The following MYO3A variants were observed in gnomAD, a reference collection of about 807,000 sequenced individuals.
MYO3A encodes the protein myosin IIIA.
A neutral mutation model predicts 192.7 loss-of-function variants in MYO3A; 180 were observed. The observed-to-expected ratio is 0.93, with a 90% CI of 0.83 to 1.06. The LOEUF (loss-of-function observed/expected upper bound fraction) is 1.06, where lower values mean the gene tolerates loss of function less well. MYO3A is among the 50% of genes least tolerant of loss of function. MYO3A has a pLI of 0.00. For missense variants in MYO3A, 1,896 were observed against 1,905.0 expected (o/e 1.00, Z 0.09); for synonymous variants, 628 against 645.3 (o/e 0.97, Z 0.41).
intron 17 of MYO3A, among the ~76,000 whole-genome samples, chr10:26,098,052 A>G (rs1382866148): frequency 6.6e-6 from 1 of 152,054 alleles, no homozygotes; most frequent in African/African-American, 2.4e-5. Flanking sequence ...AAGTGTTCCT[A>G]TTTCTCCACA....
intron 14 of MYO3A, among the ~76,000 whole-genome samples, chr10:26,080,302 T>G (rs1051244779): frequency 6.6e-6 from 1 of 152,152 alleles, no homozygotes; most frequent in African/African-American, 2.4e-5. Flanking sequence ...TTTCTTCTAC[T>G]TGTTCAATTA....
intron 6 of MYO3A, among the ~76,000 whole-genome samples, chr10:26,004,555 GC>G (rs925397749): frequency 3.3e-5 from 5 of 151,994 alleles, no homozygotes; most frequent in Non-Finnish European, 7.4e-5. Context: ...CTAGCACCTA[GC>G]TTTTGGTTTT....
chr10:25,949,856 C>T (rs914274291), intron 2 of MYO3A, among the ~76,000 whole-genome samples: 2 of 151,956 alleles, frequency 1.3e-5, no homozygotes, highest in East Asian at 3.9e-4. Context: ...ACCGTATTTT[C>T]TAGGTACAGA....
At chr10:26,031,537 T>C (rs1004523788) in intron 10 of MYO3A, among the ~76,000 whole-genome samples, 1 of 152,254 alleles carries the variant, frequency 6.6e-6, no homozygotes, top group African/African-American at 2.4e-5. Context: ...CTCAGCTCAC[T>C]TCCAGTTTCT....
At chr10:26,111,066 C>T (rs565315955) in intron 17 of MYO3A, among the ~76,000 whole-genome samples, 2 of 152,098 alleles carry the variant, frequency 1.3e-5, no homozygotes, top group East Asian at 1.9e-4. Context: ...ATGCATCTCA[C>T]TATGTTGCCC....
At chr10:26,016,169 A>G (rs1189592943) in intron 6 of MYO3A, among the ~76,000 whole-genome samples, 2 of 152,224 alleles carry the variant, frequency 1.3e-5, no homozygotes, top group African/African-American at 2.4e-5. Context: ...GGTGCAATTA[A>G]TGGAATGACA....
chr10:26,085,588 A>G (rs1283103409), intron 14 of MYO3A, among the ~76,000 whole-genome samples: 1 of 152,174 alleles, frequency 6.6e-6, no homozygotes, highest in Non-Finnish European at 1.5e-5. Context: ...GGTGTGCCAG[A>G]GGCTTGGAGG....
intron 7 of MYO3A, among the ~76,000 whole-genome samples, chr10:26,020,907 C>T (rs116086603): frequency 0.066 from 10,049 of 152,180 alleles, 410 homozygotes; most frequent in Non-Finnish European, 0.094. Flanking sequence ...TAGGGTGGCC[C>T]CAGATAGGCT....
chr10:26,179,170 C>T lies in MYO3A; in HGVS notation c.4438+2325C>T, dbSNP rs546388794. Among the ~76,000 whole-genome samples, 4 of 134,694 alleles carry T rather than the reference C, an allele frequency of 3.0e-5. No individual in the cohort carries two copies. The South Asian group carries it at 9.5e-4, about 32-fold the overall frequency. 88.4% of individuals were successfully genotyped at this position (134,694 alleles called of 152,430 possible). A position where few individuals can be genotyped will look rare whatever the true frequency, so the allele number is the denominator to read the frequency against. ...CTGGAGTGCAATGGCGCGATCTCAG[C>T]TTGCTGGAACCTCTGCCTCCTGGGT... On this transcript the variant is annotated intron_variant, in intron 31 of 34. Coordinates refer to ENST00000642920, the MANE Select transcript of MYO3A (RefSeq NM_017433.5).
chr10:26,100,022 C>T (rs1018892368), intron 17 of MYO3A, among the ~76,000 whole-genome samples: 12 of 152,186 alleles, frequency 7.9e-5, no homozygotes, highest in Admixed American at 5.2e-4. Flanking sequence ...TAGAATTCGG[C>T]TGTGAATCCA....
chr10:26,210,139 GAAGGAAGGAAGA>G (rs1446140056), intron 34 of MYO3A, among the ~76,000 whole-genome samples: 11 of 142,262 alleles, frequency 7.7e-5, no homozygotes, highest in Non-Finnish European at 1.2e-4. Context: ...GGGAGGGAAG[GAAGGAAGGAAGA>G]AAGGAAGGAA....
intron 2 of MYO3A, among the ~76,000 whole-genome samples, chr10:25,939,384 C>A (rs1301506065): frequency 6.6e-6 from 1 of 151,600 alleles, no homozygotes; most frequent in Non-Finnish European, 1.5e-5. Context: ...TTCTCTTTTT[C>A]TACTGTCATT....
At chr10:26,075,602 T>C (rs1835484948) in intron 14 of MYO3A, among the ~76,000 whole-genome samples, 1 of 128,366 alleles carries the variant, frequency 7.8e-6, no homozygotes. Context: ...TATATATATG[T>C]CTCTCTCATA....
chr10:26,128,420 T>C lies in MYO3A; in HGVS notation c.2144T>C (p.Ile715Thr), dbSNP rs1053225944. ...SGNGDELSIG[I>T]LDIFGFENFK... ...AATGGTGATGAGCTGAGCATTGGCATTCTTGATATATTTGGCTTTGAAAAT... is the reference window on the plus strand; with the variant it reads ...AATGGTGATGAGCTGAGCATTGGCACTCTTGATATATTTGGCTTTGAAAAT... Residue 715 changes from isoleucine to threonine, a missense_variant, in exon 20 of 35, where the codon ATT becomes ACT. Physicochemically the swap from Ile to Thr is moderately conservative, Grantham distance 89. Transcript: ENST00000642920. 6.2e-7 allele frequency: 1 copy of C among 1,613,092 alleles called. No homozygotes were observed. The highest frequency in any genetic ancestry group is 1.3e-5 in the African/African-American group (1 of 74,912).
intron 10 of MYO3A, among the ~76,000 whole-genome samples, chr10:26,053,398 A>G (rs72795835): frequency 0.16 from 24,705 of 152,160 alleles, 2,297 homozygotes; most frequent in Non-Finnish European, 0.21. Flanking sequence ...CTAGGAGTAC[A>G]GGGTATGTCA....
chr10:26,101,527 G>A (rs541947141), intron 17 of MYO3A, among the ~76,000 whole-genome samples: 3 of 152,290 alleles, frequency 2.0e-5, no homozygotes, highest in Admixed American at 6.5e-5. Flanking sequence ...TTTTGCAGTG[G>A]CTGGTACCAG....
Position 26,193,330 on chromosome 10 carries a change from CT to C in MYO3A, c.4545+20del. On this transcript the variant is annotated intron_variant, in intron 32 of 34. Transcript: ENST00000642920. Reference sequence around the variant, plus strand: ...ACTTCATGTAAGTGGCTCACTCTTACTATCAGATGGGAGCCATCACATCTAC... The same window carrying C: ...ACTTCATGTAAGTGGCTCACTCTTACATCAGATGGGAGCCATCACATCTAC... 1 of 1,563,878 alleles carries C rather than the reference CT, an allele frequency of 6.4e-7. No homozygotes were observed. The highest frequency in any genetic ancestry group is 8.8e-7 in the Non-Finnish European group (1 of 1,135,352).
rs3824701 is a variant in MYO3A, at chr10:26,066,943, A to G, written c.954-32A>G. 757,221 of 1,481,964 alleles carry G rather than the reference A, an allele frequency of 0.51. 198,254 individuals are homozygous for G. The highest frequency in any genetic ancestry group is 0.56 in the Middle Eastern group (3,218 of 5,790). The allele number at this position is 1,481,964 out of a possible 1,614,324, so 91.8% of individuals were successfully genotyped here. A position where few individuals can be genotyped will look rare whatever the true frequency, so the allele number is the denominator to read the frequency against. On this transcript the variant is annotated intron_variant, in intron 10 of 34. Coordinates refer to ENST00000642920, the MANE Select transcript of MYO3A (RefSeq NM_017433.5). ...TTTTTTCCACTATGAGCAGTAATCA[A>G]TTCTTAAATCAGAAAGCGTTTTTCT...
intron 2 of MYO3A, among the ~76,000 whole-genome samples, chr10:25,940,790 C>G (rs2130816895): frequency 6.6e-6 from 1 of 152,148 alleles, no homozygotes; most frequent in Admixed American, 6.5e-5. Flanking sequence ...GCAATCATTC[C>G]AATTATTTTC....
Sources: gnomAD v4.1 joint callset for allele counts (sites outside exome capture counted in the v4.1 genomes callset) on GRCh38, gnomAD v4.1.1 for gene constraint, MANE v1.5 for transcripts, NCBI Gene and HGNC (gene_info 2026-07-23, HGNC 2026-07-21) for gene names.